NME7: variants seen among roughly 807,000 people sequenced by gnomAD.
NME7 encodes the protein NME/NM23 family member 7.
NME7 carries 41 observed loss-of-function variants against 49.1 expected under a neutral mutation model. The ratio of observed to expected loss-of-function variants is 0.83; its 90% confidence interval spans 0.65 to 1.08. NME7 has a LOEUF of 1.08. Ranked by LOEUF, NME7 falls within the 50% of genes least tolerant of loss-of-function variation. NME7 has a pLI of 0.00. For missense variants in NME7, 423 were observed against 463.4 expected (o/e 0.91, Z 0.80); for synonymous variants, 139 against 150.6 (o/e 0.92, Z 0.56).
At chr1:169,284,163 C>G (rs968873811) in intron 7 of NME7, 1 of 152,024 alleles carries the variant, frequency 6.6e-6, no homozygotes, top group Non-Finnish European at 1.5e-5. Context: ...TCTTTTTTCT[C>G]TAATCTGGTC....
At chr1:169,188,802 TACC>T (rs2101759600) in intron 10 of NME7, among the ~76,000 whole-genome samples, 1 of 152,316 alleles carries the variant, frequency 6.6e-6, no homozygotes, top group East Asian at 1.9e-4. Context: ...ACTGAGGTGA[TACC>T]ATAAGCATCT....
rs534825481 is a variant in NME7 at position 169,360,153 on chromosome 1, C to G, written c.3+7555G>C. Among the ~76,000 whole-genome samples the G allele has an allele frequency of 9.9e-5, 15 of 152,258 alleles. No individual in the cohort carries two copies. The South Asian group carries it at 2.7e-3, about 27-fold the overall frequency. ...TAACTCCCATGTTGAAACTATAATG[C>G]ATACCCATCTGGAATATGTAGCTCT... On this transcript the variant is annotated intron_variant, in intron 1 of 11. Coordinates refer to ENST00000367811, the MANE Select transcript of NME7 (RefSeq NM_013330.5).
chr1:169,304,797 C>T (rs969875429), intron 4 of NME7, among the ~76,000 whole-genome samples: 7 of 152,092 alleles, frequency 4.6e-5, no homozygotes, highest in African/African-American at 7.2e-5. Flanking sequence ...ACTGCTTATG[C>T]TCTTGCTACT....
At chr1:169,361,779 C>CT (rs1653665782) in intron 1 of NME7, among the ~76,000 whole-genome samples, 1 of 143,374 alleles carries the variant, frequency 7.0e-6, no homozygotes, top group South Asian at 2.2e-4. Flanking sequence ...AAAACTCTGT[C>CT]TAAAAAAAAA....
chr1:169,334,514 A>G (rs10800434), intron 1 of NME7, among the ~76,000 whole-genome samples: 53,351 of 152,034 alleles, frequency 0.35, 10,478 homozygotes, highest in Non-Finnish European at 0.44. Context: ...AGCCATATGC[A>G]GAAAAATGAA....
intron 11 of NME7, among the ~76,000 whole-genome samples, chr1:169,160,748 T>A (rs1166789515): frequency 6.6e-6 from 1 of 152,188 alleles, no homozygotes; most frequent in Non-Finnish European, 1.5e-5. Flanking sequence ...ATTTTTAGAT[T>A]ATTAGATTTT....
intron 10 of NME7, among the ~76,000 whole-genome samples, chr1:169,209,167 C>T (rs1339466083): frequency 6.6e-6 from 1 of 151,974 alleles, no homozygotes. Flanking sequence ...AAGAACAAAA[C>T]CAGACATACT....
chr1:169,221,901 T>C (rs925906671), intron 10 of NME7, among the ~76,000 whole-genome samples: 3 of 151,744 alleles, frequency 2.0e-5, no homozygotes, highest in Admixed American at 6.6e-5. Flanking sequence ...TGGTCTGTTG[T>C]TGTTGTTTGT....
At chr1:169,295,893 C>T (rs916930571) in intron 6 of NME7, among the ~76,000 whole-genome samples, 1 of 152,140 alleles carries the variant, frequency 6.6e-6, no homozygotes, top group Non-Finnish European at 1.5e-5. Flanking sequence ...ACTTAAGAAT[C>T]AGCATCTGTG....
chr1:169,283,077 G>A (rs1650098073), intron 7 of NME7, among the ~76,000 whole-genome samples: 2 of 152,254 alleles, frequency 1.3e-5, no homozygotes, highest in South Asian at 4.2e-4. Context: ...TTGTGTGGGA[G>A]TCTAAGTCAC....
In NME7 at chr1:169,144,606, T is replaced by C. The variant is rs138284349; in HGVS notation, c.1099-11789A>G. On this transcript the variant is annotated intron_variant, in intron 11 of 11. Coordinates refer to ENST00000367811, the MANE Select transcript of NME7 (RefSeq NM_013330.5). ...CTGATGTCAATTTCGATAACAATTT[T>C]TCCTGGAGAATGTTAAATTCTTTGA... 4.8e-3 allele frequency among the ~76,000 whole-genome samples: 735 copies of C among 152,258 alleles called. 7 individuals carry two copies. Among genetic ancestry groups the C allele is most frequent in the African/African-American group, 0.017 (692 of 41,554 alleles).
At chr1:169,350,836 T>C (rs1007094148) in intron 1 of NME7, among the ~76,000 whole-genome samples, 6 of 152,146 alleles carry the variant, frequency 3.9e-5, no homozygotes, top group Non-Finnish European at 8.8e-5. Flanking sequence ...CATACAGACA[T>C]GCACATCACA....
intron 7 of NME7, among the ~76,000 whole-genome samples, chr1:169,279,499 G>A (rs1020713174): frequency 2.6e-5 from 4 of 152,226 alleles, no homozygotes; most frequent in African/African-American, 4.8e-5. Context: ...AGCCAGGTGC[G>A]GGATATGACC....
At chr1:169,220,149 C>T (rs894532582) in intron 10 of NME7, among the ~76,000 whole-genome samples, 2 of 152,128 alleles carry the variant, frequency 1.3e-5, no homozygotes, top group African/African-American at 4.8e-5. Flanking sequence ...CTTAATACCT[C>T]TACCTGTAAA....
At chr1:169,169,074 A>G in intron 11 of NME7, 1 of 469,914 alleles carries the variant, frequency 2.1e-6, no homozygotes, top group Non-Finnish European at 4.1e-6. Context: ...GCCAACCAGA[A>G]AAAAATATCT....
chr1:169,308,404 A>G (rs1651261916), intron 4 of NME7, among the ~76,000 whole-genome samples: 1 of 152,196 alleles, frequency 6.6e-6, no homozygotes, highest in Non-Finnish European at 1.5e-5. Flanking sequence ...CTGACCAAAA[A>G]CAAACAAAAA....
intron 10 of NME7, among the ~76,000 whole-genome samples, chr1:169,177,923 G>T (rs567317969): frequency 1.3e-5 from 2 of 152,014 alleles, no homozygotes; most frequent in South Asian, 4.2e-4. Context: ...TGCAAGCTCC[G>T]CCTCCCAGGT....
chr1:169,210,897 G>A (rs1283327498), intron 10 of NME7, among the ~76,000 whole-genome samples: 1 of 151,924 alleles, frequency 6.6e-6, no homozygotes, highest in African/African-American at 2.4e-5. Context: ...TTGTTTGCAG[G>A]CCACATTAAA....
intron 11 of NME7, among the ~76,000 whole-genome samples, chr1:169,142,402 A>C (rs1658621459): frequency 6.6e-6 from 1 of 152,242 alleles, no homozygotes; most frequent in African/African-American, 2.4e-5. Flanking sequence ...CTCCATTTCT[A>C]GTCTTCAAGT....
Sources: gnomAD v4.1 joint callset for allele counts (sites outside exome capture counted in the v4.1 genomes callset) on GRCh38, gnomAD v4.1.1 for gene constraint, MANE v1.5 for transcripts, NCBI Gene and HGNC (gene_info 2026-07-23, HGNC 2026-07-21) for gene names.